EML6: variants seen among roughly 807,000 people sequenced by gnomAD.
The protein encoded by EML6 is echinoderm microtubule-associated protein-like 6.
Under a neutral mutation model 240.1 loss-of-function variants are expected in EML6, and 154 were observed. The observed-to-expected ratio is 0.64, with a 90% confidence interval of 0.56 to 0.73. EML6 has a LOEUF of 0.73. EML6 is among the 30% of genes least tolerant of loss of function. EML6 has a pLI of 0.00. For synonymous variants in EML6, 1,148 were observed against 899.0 expected (o/e 1.28, Z -4.95); for missense variants, 2,964 against 2,474.6 (o/e 1.20, Z -4.20).
intron 11 of EML6, among the ~76,000 whole-genome samples, chr2:54,854,625 C>G (rs12713281): frequency 0.22 from 33,516 of 152,118 alleles, 4,040 homozygotes; most frequent in Middle Eastern, 0.29. Context: ...AATTTTTAGA[C>G]TAAGCAAGGA....
At chr2:54,753,009 G>A (rs1373270307) in intron 2 of EML6, among the ~76,000 whole-genome samples, 4 of 152,134 alleles carry the variant, frequency 2.6e-5, no homozygotes, top group South Asian at 4.1e-4. Flanking sequence ...GGCTGGTCTC[G>A]AACTCCGTGA....
intron 12 of EML6, among the ~76,000 whole-genome samples, chr2:54,863,173 C>A (rs1474900357): frequency 3.3e-5 from 5 of 152,182 alleles, no homozygotes; most frequent in African/African-American, 1.2e-4. Flanking sequence ...CTTGGGTGGG[C>A]ATGGTTAAAA....
At chr2:54,874,929 A>T (rs542010053) in intron 16 of EML6, among the ~76,000 whole-genome samples, 1 of 152,326 alleles carries the variant, frequency 6.6e-6, no homozygotes, top group Admixed American at 6.5e-5. Context: ...ACCCAGGTCC[A>T]TTGTGAGAGC....
intron 10 of EML6, 159 bp downstream of exon 10, chr2:54,850,377 G>T (rs1051186171): frequency 1.6e-6 from 1 of 620,360 alleles, no homozygotes. Flanking sequence ...AATGTTTTCT[G>T]TCGCAAGATC....
At chr2:54,950,887 C>T in intron 30 of EML6, 108 bp downstream of exon 30, 3 of 1,174,896 alleles carry the variant, frequency 2.6e-6, no homozygotes, top group Non-Finnish European at 3.5e-6. Context: ...CTTATAGAGC[C>T]ATTCCCCCCA....
intron 3 of EML6, among the ~76,000 whole-genome samples, chr2:54,814,647 A>C (rs1280816934): frequency 6.6e-6 from 1 of 152,214 alleles, no homozygotes; most frequent in African/African-American, 2.4e-5. Flanking sequence ...CTGTGAAATT[A>C]TTCATAGAGG....
chr2:54,821,089 C>T (rs1353622429), intron 5 of EML6, among the ~76,000 whole-genome samples: 1 of 152,112 alleles, frequency 6.6e-6, no homozygotes, highest in Non-Finnish European at 1.5e-5. Flanking sequence ...AGCCCAGGAT[C>T]TTCTTTCTCT....
intron 12 of EML6, among the ~76,000 whole-genome samples, chr2:54,860,516 C>T (rs568086021): frequency 2.6e-5 from 4 of 152,164 alleles, no homozygotes; most frequent in African/African-American, 9.7e-5. Context: ...ACCCAGCTGG[C>T]AGCCTAAGAA....
intron 19 of EML6, 40 bp from the exon 20 acceptor site, chr2:54,894,875 T>A: frequency 7.0e-7 from 1 of 1,425,906 alleles, no homozygotes; most frequent in Non-Finnish European, 9.7e-7. Context: ...AATTGGTCAT[T>A]TTGATGTGTA....
At chr2:54,849,876 ACTT>A (rs1361814615) in intron 9 of EML6, 83 bp from the exon 10 acceptor site, 13 of 1,091,694 alleles carry the variant, frequency 1.2e-5, no homozygotes, top group Admixed American at 2.4e-5. Flanking sequence ...CTTTCAACAC[ACTT>A]CTTTTTCTGA....
At position 54,948,909 on chromosome 2, in the gene EML6, G is replaced by C. The variant is rs1030664201; in HGVS notation, c.4032G>C (p.Gln1344His). The C allele has an allele frequency of 6.4e-7, 1 of 1,551,398 alleles. No individual in the cohort carries two copies. The highest frequency in any genetic ancestry group is 2.0e-5 in the Admixed American group (1 of 50,976). ...CACCCGTTAGCCGAGCAGCTCCCCAGCCTGAGAAACTGCAGAAGAACAATA... is the reference window on the plus strand; with the variant it reads ...CACCCGTTAGCCGAGCAGCTCCCCACCCTGAGAAACTGCAGAAGAACAATA... ...ERPPVSRAAP[Q>H]PEKLQKNNIT... The change falls in exon 29 of 42, where the codon CAG becomes CAC. Residue 1344 changes from glutamine to histidine, a missense_variant. Transcript: ENST00000356458.
At position 54,928,687 on chromosome 2, in the gene EML6, A is replaced by G. The variant is rs1449200640; in HGVS notation, c.3940A>G (p.Ser1314Gly). The change falls in exon 28 of 42, where the codon AGC (serine) becomes GGC (glycine). Residue 1314 changes from serine (S) to glycine (G), a missense_variant. Coordinates refer to ENST00000356458, the MANE Select transcript of EML6 (RefSeq NM_001039753.4). Reference sequence around the variant, plus strand: ...CTACACCACCAAGATTTATGCTGTGAGCATCAGGGAAATGGAAGGCACCAA... The same window carrying G: ...CTACACCACCAAGATTTATGCTGTGGGCATCAGGGAAATGGAAGGCACCAA... ...IDYTTKIYAV[S>G]IREMEGTKPH... The G allele has an allele frequency of 6.4e-7, 1 of 1,551,746 alleles. No homozygotes were observed. Among genetic ancestry groups the G allele is most frequent in the Non-Finnish European group, 8.7e-7 (1 of 1,147,026 alleles).
chr2:54,813,618 G>A (rs550721951), intron 3 of EML6, among the ~76,000 whole-genome samples: 4 of 152,268 alleles, frequency 2.6e-5, no homozygotes, highest in Non-Finnish European at 5.9e-5. Flanking sequence ...TGGTTAAAAA[G>A]CATCCATAAA....
intron 7 of EML6, among the ~76,000 whole-genome samples, chr2:54,838,868 A>T (rs1459353923): frequency 6.6e-6 from 1 of 152,208 alleles, no homozygotes; most frequent in Admixed American, 6.5e-5. Context: ...CAGTGTCAAA[A>T]GTAACAATGA....
At position 54,866,855 on chromosome 2, in the gene EML6, G is replaced by A; in HGVS notation, c.2022G>A (p.Glu674=). ...TCCTCAAACGAGAAAAGGCTCCTGA[G>A]GACAGCTTGAAACTCCAGTTCATAC... ...VPFLKREKAP[E]DSLKLQFIHG... Residue 674 remains glutamate, a synonymous_variant, in exon 14 of 42, where the codon GAG becomes GAA. Coordinates refer to ENST00000356458, the MANE Select transcript of EML6 (RefSeq NM_001039753.4). 1 of 1,550,972 alleles carries A rather than the reference G, an allele frequency of 6.4e-7. No homozygotes were observed. The highest frequency in any genetic ancestry group is 8.7e-7 in the Non-Finnish European group (1 of 1,146,408).
In EML6 at chr2:54,873,964, G is replaced by A. The variant is rs951174631; in HGVS notation, c.2344+2359G>A. Among the ~76,000 whole-genome samples the A allele has an allele frequency of 3.3e-5, 5 of 151,706 alleles. No homozygotes were observed. In the East Asian group the frequency reaches 9.7e-4, roughly 29 times the overall value. On this transcript the variant is annotated intron_variant, in intron 16 of 41. Coordinates refer to ENST00000356458, the MANE Select transcript of EML6 (RefSeq NM_001039753.4). ...CTCAAAATACCATCTATCACTGACT[G>A]CAAATGAGAATGTGCATATGTGTAT...
At chr2:54,765,404 G>T (rs1400452702) in intron 2 of EML6, among the ~76,000 whole-genome samples, 1 of 152,074 alleles carries the variant, frequency 6.6e-6, no homozygotes, top group East Asian at 1.9e-4. Flanking sequence ...TTCTCTGGTT[G>T]TTTACCCTCT....
chr2:54,783,131 T>A (rs1668926460), intron 2 of EML6, among the ~76,000 whole-genome samples: 1 of 152,200 alleles, frequency 6.6e-6, no homozygotes, highest in Admixed American at 6.5e-5. Flanking sequence ...TAATAAAAGT[T>A]ACATCATACT....
intron 33 of EML6, among the ~76,000 whole-genome samples, chr2:54,958,822 A>G (rs889721659): frequency 6.6e-6 from 1 of 152,136 alleles, no homozygotes; most frequent in Non-Finnish European, 1.5e-5. Context: ...CACTTGGGCC[A>G]TGCTTACAGA....
Sources: gnomAD v4.1 joint callset for allele counts (sites outside exome capture counted in the v4.1 genomes callset) on GRCh38, gnomAD v4.1.1 for gene constraint, MANE v1.5 for transcripts, NCBI Gene and HGNC (gene_info 2026-07-23, HGNC 2026-07-21) for gene names.